GALNT13: variants seen among roughly 807,000 people sequenced by gnomAD.
GALNT13 encodes UDP-GalNAc:polypeptide N-acetylgalactosaminyltransferase 13.
In GALNT13, 28 loss-of-function variants were observed where a neutral mutation model predicts 64.2. The ratio of observed to expected loss-of-function variants is 0.44; its 90% CI spans 0.32 to 0.60. The LOEUF (loss-of-function observed/expected upper bound fraction) is 0.60. Among genes scored for constraint, GALNT13 ranks in the 20% least tolerant of loss-of-function variants. The pLI is 0.05. For synonymous variants in GALNT13, 214 were observed against 224.6 expected (o/e 0.95, Z 0.42); for missense variants, 577 against 669.8 (o/e 0.86, Z 1.53).
chr2:153,764,837 C>G, the GALNT13 span, among the ~76,000 whole-genome samples: 22 of 152,296 alleles, frequency 1.4e-4, no homozygotes, highest in African/African-American at 4.8e-4. Flanking sequence ...TGCCCTGAAT[C>G]CCAACTGCTT....
At chr2:154,091,602 A>G (rs1360876099) in intron 3 of GALNT13, among the ~76,000 whole-genome samples, 1 of 151,892 alleles carries the variant, frequency 6.6e-6, no homozygotes, top group Non-Finnish European at 1.5e-5. Context: ...TGTTAGTTCT[A>G]AACACTAGAA....
At chr2:153,795,438 A>C in the GALNT13 span, among the ~76,000 whole-genome samples, 1,769 of 152,188 alleles carry the variant, frequency 0.012, 43 homozygotes, top group African/African-American at 0.04. Flanking sequence ...GAACTGACAC[A>C]CACCTGCCAG....
At chr2:153,948,813 A>G (rs902421363) in intron 3 of GALNT13, among the ~76,000 whole-genome samples, 1 of 152,110 alleles carries the variant, frequency 6.6e-6, no homozygotes, top group African/African-American at 2.4e-5. Context: ...GTGAGGACAC[A>G]TGGACACGTA....
At chr2:154,137,062 G>A (rs997229991) in intron 3 of GALNT13, among the ~76,000 whole-genome samples, 2 of 151,938 alleles carry the variant, frequency 1.3e-5, no homozygotes, top group African/African-American at 4.8e-5. Flanking sequence ...AAAATGTATA[G>A]AAACTGATAT....
At position 154,453,531 on chromosome 2, in the gene GALNT13, G is replaced by C. The variant is rs1701953156; in HGVS notation, c.*2980G>C. On this transcript the variant is annotated 3_prime_UTR_variant, in exon 13 of 13. Coordinates refer to ENST00000392825, the MANE Select transcript of GALNT13 (RefSeq NM_052917.4). ...AGTTCAAATATTATCTTATCAGTAAGACAAACCCTTCTCCCATCTGCCTTC... is the reference window on the plus strand; with the variant it reads ...AGTTCAAATATTATCTTATCAGTAACACAAACCCTTCTCCCATCTGCCTTC... 1 of 152,030 alleles carries C rather than the reference G, an allele frequency of 6.6e-6. No individual in the cohort carries two copies. Among genetic ancestry groups the C allele is most frequent in the South Asian group, 2.1e-4 (1 of 4,816 alleles). 9.4% of individuals were successfully genotyped at this position (152,030 alleles called of 1,614,324 possible). A position where few individuals can be genotyped will look rare whatever the true frequency, so the allele number is the denominator to read the frequency against.
chr2:153,685,265 C>T, the GALNT13 span, among the ~76,000 whole-genome samples: 3 of 151,738 alleles, frequency 2.0e-5, no homozygotes, highest in Admixed American at 2.0e-4. Flanking sequence ...ATTACATTCC[C>T]ACCAACAGTA....
the GALNT13 span, among the ~76,000 whole-genome samples, chr2:153,811,224 G>A: frequency 1.3e-5 from 2 of 152,094 alleles, no homozygotes; most frequent in African/African-American, 2.4e-5. Flanking sequence ...TTTTTATTTC[G>A]ATCTAATGAC....
chr2:153,197,382 A>G, the GALNT13 span, among the ~76,000 whole-genome samples: 3 of 152,212 alleles, frequency 2.0e-5, no homozygotes, highest in African/African-American at 7.2e-5. Flanking sequence ...ATAGGCTGTG[A>G]TGGTTGTGGT....
chr2:154,351,062 G>T (rs1696367995), intron 9 of GALNT13, among the ~76,000 whole-genome samples: 1 of 152,130 alleles, frequency 6.6e-6, no homozygotes, highest in Non-Finnish European at 1.5e-5. Flanking sequence ...GCAAAGACAG[G>T]AAACTTAGAG....
the GALNT13 span, among the ~76,000 whole-genome samples, chr2:153,327,904 G>T: frequency 6.6e-6 from 1 of 152,016 alleles, no homozygotes; most frequent in African/African-American, 2.4e-5. Flanking sequence ...CAGCCTTTTT[G>T]CACTGTTTTT....
chr2:153,231,307 G>A, the GALNT13 span, among the ~76,000 whole-genome samples: 2 of 152,184 alleles, frequency 1.3e-5, no homozygotes, highest in African/African-American at 4.8e-5. Context: ...AGAGTGTAGA[G>A]AGTTTGCATC....
the GALNT13 span, among the ~76,000 whole-genome samples, chr2:153,595,830 A>C: frequency 6.6e-6 from 1 of 152,204 alleles, no homozygotes; most frequent in East Asian, 1.9e-4. Flanking sequence ...ACATGTGCCC[A>C]ATATTGCCTC....
chr2:154,327,579 A>G (rs1694945177), intron 9 of GALNT13, among the ~76,000 whole-genome samples: 1 of 152,056 alleles, frequency 6.6e-6, no homozygotes. Flanking sequence ...TTTTATTTGG[A>G]TGGAGTACTC....
the GALNT13 span, among the ~76,000 whole-genome samples, chr2:153,620,093 CT>C: frequency 6.6e-6 from 1 of 151,774 alleles, no homozygotes; most frequent in Non-Finnish European, 1.5e-5. Context: ...TAGATTTTCC[CT>C]TTTGAGGCTA....
chr2:153,322,585 G>T, the GALNT13 span, among the ~76,000 whole-genome samples: 1 of 152,046 alleles, frequency 6.6e-6, no homozygotes, highest in Non-Finnish European at 1.5e-5. Context: ...CATGTGCTAT[G>T]GTGGTTTGCT....
chr2:153,488,715 G>A, the GALNT13 span, among the ~76,000 whole-genome samples: 1 of 152,166 alleles, frequency 6.6e-6, no homozygotes. Flanking sequence ...TCAGACAATT[G>A]AAAACTCTAA....
chr2:153,923,436 A>G, intron 2 of GALNT13, among the ~76,000 whole-genome samples: 1 of 152,204 alleles, frequency 6.6e-6, no homozygotes, highest in South Asian at 2.1e-4. Flanking sequence ...GCTTTTGAAT[A>G]AAATCATACT....
chr2:154,010,097 A>G (rs921115213), intron 3 of GALNT13, among the ~76,000 whole-genome samples: 1 of 152,178 alleles, frequency 6.6e-6, no homozygotes, highest in South Asian at 2.1e-4. Context: ...ATGAAATCAT[A>G]TAGTTGTGAA....
At chr2:154,246,869 A>G (rs1376224509) in intron 7 of GALNT13, among the ~76,000 whole-genome samples, 2 of 152,064 alleles carry the variant, frequency 1.3e-5, no homozygotes, top group Non-Finnish European at 1.5e-5. Flanking sequence ...ATGGAAGGAC[A>G]TTGAACTAAA....
Sources: gnomAD v4.1 joint callset for allele counts (sites outside exome capture counted in the v4.1 genomes callset) on GRCh38, gnomAD v4.1.1 for gene constraint, MANE v1.5 for transcripts, NCBI Gene and HGNC (gene_info 2026-07-23, HGNC 2026-07-21) for gene names.